The following KCNS3 variants were observed in gnomAD, a reference collection of about 807,000 sequenced individuals.
KCNS3 encodes potassium voltage-gated channel modifier subfamily S member 3, also known as delayed-rectifier potassium channel regulatory subunit KCNS3.
KCNS3 carries 13 observed loss-of-function variants against 31.0 expected under a neutral mutation model. The observed-to-expected ratio is 0.42, with a 90% CI of 0.27 to 0.67. The LOEUF (loss-of-function observed/expected upper bound fraction) is 0.67, where lower values mean the gene tolerates loss of function less well. KCNS3 is among the 30% of genes least tolerant of loss of function. The pLI is 0.25. For missense variants in KCNS3, 545 were observed against 622.4 expected (o/e 0.88, Z 1.32); for synonymous variants, 238 against 241.5 (o/e 0.99, Z 0.13).
chr2:17,899,424 A>G (rs1307121600), intron 1 of KCNS3, among the ~76,000 whole-genome samples: 1 of 70,780 alleles, frequency 1.4e-5, no homozygotes, highest in Non-Finnish European at 2.9e-5. Context: ...GCTGTCAGTC[A>G]TCTATCTATC....
chr2:17,924,160 T>C (rs1662782649), intron 2 of KCNS3, among the ~76,000 whole-genome samples: 2 of 151,958 alleles, frequency 1.3e-5, no homozygotes, highest in Admixed American at 6.6e-5. Flanking sequence ...CATATTTGTA[T>C]TATTGCTAGT....
At chr2:17,887,509 A>ATCTATCTATCTG (rs1558446408) in intron 1 of KCNS3, among the ~76,000 whole-genome samples, 1 of 151,592 alleles carries the variant, frequency 6.6e-6, no homozygotes, top group Non-Finnish European at 1.5e-5. Context: ...CTATCTATCT[A>ATCTATCTATCTG]TCTATCTATC....
intron 2 of KCNS3, chr2:17,919,658 CTGTGT>C (rs1662669866): frequency 1.3e-5 from 2 of 152,230 alleles, no homozygotes; most frequent in Non-Finnish European, 2.9e-5. Flanking sequence ...TTGTATGGAC[CTGTGT>C]CATTCATGTG....
At chr2:17,894,420 A>C (rs1042550672) in intron 1 of KCNS3, among the ~76,000 whole-genome samples, 1 of 152,232 alleles carries the variant, frequency 6.6e-6, no homozygotes, top group African/African-American at 2.4e-5. Flanking sequence ...TGATGTAAGT[A>C]GACAAACCAC....
Position 17,907,069 on chromosome 2 carries a change from T to G in KCNS3, c.-251-10611T>G, listed in dbSNP as rs541702056. Reference sequence around the variant, plus strand: ...ATGTTGACAGTGGGGTGTTAAAGTCTCCCATTATTAGTGTGTGGGAGTCTA... The same window carrying G: ...ATGTTGACAGTGGGGTGTTAAAGTCGCCCATTATTAGTGTGTGGGAGTCTA... On this transcript the variant is annotated intron_variant, in intron 1 of 2. Transcript: ENST00000304101. Among the ~76,000 whole-genome samples the G allele has an allele frequency of 2.3e-4, 35 of 152,338 alleles. No individual in the cohort carries two copies. The South Asian group carries it at 6.6e-3, about 29-fold the overall frequency.
At chr2:17,882,726 C>T (rs1456944060) in intron 1 of KCNS3, among the ~76,000 whole-genome samples, 1 of 152,154 alleles carries the variant, frequency 6.6e-6, no homozygotes, top group Non-Finnish European at 1.5e-5. Flanking sequence ...GGAGTGAATA[C>T]TCAATTATCA....
At chr2:17,887,716 T>C (rs1306291583) in intron 1 of KCNS3, among the ~76,000 whole-genome samples, 4 of 152,336 alleles carry the variant, frequency 2.6e-5, no homozygotes, top group Non-Finnish European at 5.9e-5. Context: ...GATCAAATGG[T>C]AGTTCTACTT....
At chr2:17,916,920 A>C (rs905982979) in intron 1 of KCNS3, among the ~76,000 whole-genome samples, 3 of 151,936 alleles carry the variant, frequency 2.0e-5, no homozygotes, top group African/African-American at 7.3e-5. Flanking sequence ...AAACATGAAA[A>C]TCAATGGATG....
chr2:17,916,178 A>G (rs1026886161), intron 1 of KCNS3, among the ~76,000 whole-genome samples: 2 of 152,190 alleles, frequency 1.3e-5, no homozygotes, highest in African/African-American at 4.8e-5. Context: ...GATTAATCCT[A>G]CCTTCCCTTA....
intron 1 of KCNS3, among the ~76,000 whole-genome samples, chr2:17,898,615 A>G (rs879387215): frequency 6.6e-6 from 1 of 152,170 alleles, no homozygotes; most frequent in Admixed American, 6.5e-5. Context: ...GATGTAGGAA[A>G]CATCCAGAGG....
intron 2 of KCNS3, among the ~76,000 whole-genome samples, chr2:17,924,515 T>C (rs1253905819): frequency 2.6e-5 from 4 of 152,172 alleles, no homozygotes. Context: ...CTTTATCAAA[T>C]TGGAGAAATT....
In KCNS3 at chr2:17,932,044, G is replaced by A. The variant is rs1663006435; in HGVS notation, c.1036G>A (p.Glu346Lys). Reference protein sequence around the residue: ...SIFSVLIYSVEKDDHTSSLTS... With the variant: ...SIFSVLIYSVKKDDHTSSLTS... The stretch of plus-strand genomic sequence containing the variant: ...TTTCTCTGTGCTTATCTACTCCGTG[G>A]AGAAAGATGACCACACATCCAGCCT... Residue 346 changes from glutamate to lysine, a missense_variant, in exon 3 of 3, where the codon GAG becomes AAG. Glu to Lys is a moderately conservative substitution (Grantham distance 56). Transcript: ENST00000304101. The A allele has an allele frequency of 6.2e-7, 1 of 1,614,096 alleles. No individual in the cohort carries two copies. Among genetic ancestry groups the A allele is most frequent in the African/African-American group, 1.3e-5 (1 of 75,014 alleles).
intron 1 of KCNS3, among the ~76,000 whole-genome samples, chr2:17,894,636 CT>C (rs1266248037): frequency 6.6e-6 from 1 of 152,240 alleles, no homozygotes; most frequent in Non-Finnish European, 1.5e-5. Flanking sequence ...CCACGTTTTA[CT>C]CCAGATTGCC....
chr2:17,915,459 C>T (rs973460601), intron 1 of KCNS3, among the ~76,000 whole-genome samples: 1 of 152,114 alleles, frequency 6.6e-6, no homozygotes, highest in African/African-American at 2.4e-5. Flanking sequence ...CTCACTCCCC[C>T]CAATCCCTGC....
chr2:17,918,715 C>T (rs754615926), intron 2 of KCNS3, among the ~76,000 whole-genome samples: 4 of 152,174 alleles, frequency 2.6e-5, no homozygotes, highest in Admixed American at 6.5e-5. Flanking sequence ...CCTTCCACAG[C>T]GAAGCTTGGA....
In KCNS3 at chr2:17,888,629, G is replaced by GTATATCTATATCTATATA. The variant is rs35102585; in HGVS notation, c.-252+9828_-252+9829insCTATATCTATATATATAT. ...GAACTTAAAGTATAATAAAAAAAAT[G>GTATATCTATATCTATATA]TATATATATATATATATATATATAT... On this transcript the variant is annotated intron_variant, in intron 1 of 2. Coordinates refer to ENST00000304101, the MANE Select transcript of KCNS3 (RefSeq NM_002252.5). 6.1e-4 allele frequency among the ~76,000 whole-genome samples: 56 copies of GTATATCTATATCTATATA among 92,358 alleles called. 4 individuals are homozygous for GTATATCTATATCTATATA. In the East Asian group the frequency reaches 0.015, roughly 24 times the overall value. 60.6% of individuals were successfully genotyped at this position (92,358 alleles called of 152,430 possible).
Position 17,932,143 on chromosome 2 carries a change from G to A in KCNS3, c.1135G>A (p.Val379Ile). ...TGTGGGCTATGGAGACACCCACCCG[G>A]TCACCTTGGCGGGAAAGCTCATCGC... is the stretch of plus-strand genomic sequence containing the variant. ...TTVGYGDTHPVTLAGKLIAST... is the reference protein window; with the variant it reads ...TTVGYGDTHPITLAGKLIAST... The change falls in exon 3 of 3, where the codon GTC becomes ATC. Residue 379 changes from valine (V) to isoleucine (I), a missense_variant. By Grantham distance (29) the Val-to-Ile change is conservative. Transcript: ENST00000304101. 1.2e-6 allele frequency: 2 copies of A among 1,613,996 alleles called. No homozygotes were observed. The highest frequency in any genetic ancestry group is 1.7e-6 in the Non-Finnish European group (2 of 1,180,000).
At chr2:17,905,366 A>T (rs1321120027) in intron 1 of KCNS3, among the ~76,000 whole-genome samples, 11 of 152,322 alleles carry the variant, frequency 7.2e-5, no homozygotes, top group African/African-American at 2.4e-4. Context: ...TTGGGCTGAG[A>T]TGATGGGGTT....
At chr2:17,887,483 T>TTATCTATCTATCTATC (rs1553341232) in intron 1 of KCNS3, among the ~76,000 whole-genome samples, 1 of 78,642 alleles carries the variant, frequency 1.3e-5, no homozygotes, top group African/African-American at 4.7e-5. Context: ...TTCTATCATA[T>TTATCTATCTATCTATC]GATCTATCTA....
Sources: gnomAD v4.1 joint callset for allele counts (sites outside exome capture counted in the v4.1 genomes callset) on GRCh38, gnomAD v4.1.1 for gene constraint, MANE v1.5 for transcripts, NCBI Gene and HGNC (gene_info 2026-07-23, HGNC 2026-07-21) for gene names.